WWC2: variants seen among roughly 807,000 people sequenced by gnomAD.
WWC2 encodes the protein protein WWC2.
Under a neutral mutation model 138.5 loss-of-function variants are expected in WWC2, and 101 were observed. The ratio of observed to expected loss-of-function variants is 0.73; its 90% CI spans 0.62 to 0.86. The LOEUF (loss-of-function observed/expected upper bound fraction) is 0.86, where lower values mean the gene tolerates loss of function less well. Among genes scored for constraint, WWC2 ranks in the 40% least tolerant of loss-of-function variants. The pLI is 0.00. For missense variants in WWC2, 1,420 were observed against 1,419.4 expected, an observed-to-expected ratio of 1.00 and a Z score of -0.01; for synonymous variants, 558 against 538.4, an observed-to-expected ratio of 1.04 and a Z score of -0.50.
At chr4:183,126,266 T>C (rs1189961717) in intron 1 of WWC2, among the ~76,000 whole-genome samples, 1 of 152,212 alleles carries the variant, frequency 6.6e-6, no homozygotes, top group Admixed American at 6.5e-5. Flanking sequence ...TATTATGGAT[T>C]GTTTGAGAGG....
At chr4:183,116,016 A>G (rs1561421388) in intron 1 of WWC2, among the ~76,000 whole-genome samples, 3 of 152,094 alleles carry the variant, frequency 2.0e-5, no homozygotes, top group African/African-American at 4.8e-5. Flanking sequence ...TGACTTTTGT[A>G]TATGGTGTAG....
At position 183,312,096 on chromosome 4, in the gene WWC2, T is replaced by C. The variant is rs149167130; in HGVS notation, c.3385-245T>C. Among the ~76,000 whole-genome samples the C allele has an allele frequency of 2.6e-3, 401 of 152,322 alleles. 2 individuals carry two copies. The highest frequency in any genetic ancestry group is 8.8e-3 in the African/African-American group (365 of 41,582). On this transcript the variant is annotated intron_variant, in intron 21 of 22. Coordinates refer to ENST00000403733, the MANE Select transcript of WWC2 (RefSeq NM_024949.6). ...TCAGATGTAGTAAAATTGTCACATA[T>C]TGCCTGTGTAATTAGATTTCTAAAA...
At chr4:183,185,068 G>A (rs993711827) in intron 1 of WWC2, among the ~76,000 whole-genome samples, 1 of 152,094 alleles carries the variant, frequency 6.6e-6, no homozygotes, top group Non-Finnish European at 1.5e-5. Context: ...TGAACTTCTG[G>A]TCCCTGAAGT....
chr4:183,236,618 G>A (rs1736431445), intron 4 of WWC2, among the ~76,000 whole-genome samples: 2 of 152,160 alleles, frequency 1.3e-5, no homozygotes, highest in South Asian at 4.1e-4. Context: ...ATTAAGCTAG[G>A]TTACAGTTCA....
chr4:183,152,049 A>G (rs1279653223), intron 1 of WWC2, among the ~76,000 whole-genome samples: 1 of 152,232 alleles, frequency 6.6e-6, no homozygotes, highest in African/African-American at 2.4e-5. Context: ...GTGGGTGTGG[A>G]GAAACATTGC....
At chr4:183,300,128 A>T (rs1043783891) in intron 21 of WWC2, among the ~76,000 whole-genome samples, 6 of 152,188 alleles carry the variant, frequency 3.9e-5, no homozygotes, top group Non-Finnish European at 5.9e-5. Context: ...TAACACAACT[A>T]TGAATAAATC....
chr4:183,137,654 A>G (rs960716843), intron 1 of WWC2, among the ~76,000 whole-genome samples: 1 of 152,044 alleles, frequency 6.6e-6, no homozygotes, highest in Admixed American at 6.6e-5. Flanking sequence ...GCGCACCACC[A>G]TACCTGATTA....
intron 21 of WWC2, among the ~76,000 whole-genome samples, chr4:183,295,290 C>T (rs1738597506): frequency 6.6e-6 from 1 of 152,190 alleles, no homozygotes; most frequent in Admixed American, 6.5e-5. Context: ...TGGAGAAGTC[C>T]CCTTTGCCTC....
intron 6 of WWC2, among the ~76,000 whole-genome samples, chr4:183,245,751 A>G (rs1736757863): frequency 6.6e-6 from 1 of 152,120 alleles, no homozygotes. Flanking sequence ...ACTGACTGGT[A>G]TGCTTCGTTG....
Position 183,099,536 on chromosome 4 carries a change from C to G in WWC2, c.45C>G (p.Gly15=). 1.4e-6 allele frequency: 2 copies of G among 1,410,526 alleles called. No individual in the cohort carries two copies. Among genetic ancestry groups the G allele is most frequent in the Non-Finnish European group, 9.4e-7 (1 of 1,065,546 alleles). The allele number at this position is 1,410,526 out of a possible 1,614,324, so 87.4% of individuals were successfully genotyped here. A position where few individuals can be genotyped will look rare whatever the true frequency, so the allele number is the denominator to read the frequency against. ...AGSGQLPLPR[G]WEEARDYDGK... ...GCGGTCAGCTGCCGCTGCCCCGGGG[C>G]TGGGAGGAGGCCAGGGACTACGACG... The change falls in exon 1 of 23, where the codon GGC becomes GGG. Residue 15 remains glycine (G), a synonymous_variant. Transcript: ENST00000403733.
At chr4:183,178,422 T>TAAATA (rs1194060046) in intron 1 of WWC2, among the ~76,000 whole-genome samples, 7 of 111,832 alleles carry the variant, frequency 6.3e-5, no homozygotes, top group Non-Finnish European at 1.4e-4. Flanking sequence ...ATAAATAAAT[T>TAAATA]TAAAAAATTA....
rs2111141314 is a variant in WWC2 at position 183,161,767 on chromosome 4, G to A, written c.132-31832G>A. 1.3e-5 allele frequency among the ~76,000 whole-genome samples: 2 copies of A among 152,290 alleles called. 1 individual carries two copies. Among genetic ancestry groups the A allele is most frequent in the South Asian group, 4.2e-4 (2 of 4,816 alleles). ...CGAAAGGCCTTTCCATATGGCCTAG[G>A]TGTGTAGTAGGCTACACCTCCAGGT... On this transcript the variant is annotated intron_variant, in intron 1 of 22. Coordinates refer to ENST00000403733, the MANE Select transcript of WWC2 (RefSeq NM_024949.6).
chr4:183,269,195 A>G, intron 15 of WWC2, 32 bp downstream of exon 15: 1 of 1,502,074 alleles, frequency 6.7e-7, no homozygotes, highest in Non-Finnish European at 8.9e-7. Context: ...ATTACCAAAT[A>G]GCACTTAGAT....
rs188579630 is a variant in WWC2, at chr4:183,197,234, A to T, written c.241+3526A>T. On this transcript the variant is annotated intron_variant, in intron 2 of 22. Coordinates refer to ENST00000403733, the MANE Select transcript of WWC2 (RefSeq NM_024949.6). ...AGTCTGCTATTTTGCTGTAATGGTA[A>T]TGGTATTCTGGTGATCTGTTGTACC... Among the ~76,000 whole-genome samples, 129 of 152,328 alleles carry T rather than the reference A, an allele frequency of 8.5e-4. 2 individuals carry two copies. The highest frequency in any genetic ancestry group is 9.0e-4 in the Non-Finnish European group (61 of 68,030).
intron 22 of WWC2, among the ~76,000 whole-genome samples, chr4:183,314,380 A>G (rs1410677317): frequency 6.6e-6 from 1 of 152,216 alleles, no homozygotes; most frequent in East Asian, 1.9e-4. Flanking sequence ...ATCCACGAAC[A>G]TTCCCAGCTT....
chr4:183,244,578 T>TAG (rs1356066685), intron 5 of WWC2, among the ~76,000 whole-genome samples: 5 of 150,668 alleles, frequency 3.3e-5, no homozygotes, highest in African/African-American at 1.2e-4. Flanking sequence ...ATTATATATA[T>TAG]ATATATAGAG....
rs913261840 is a variant in WWC2 at position 183,229,221 on chromosome 4, A to G, written c.523-10962A>G. 1.5e-4 allele frequency among the ~76,000 whole-genome samples: 23 copies of G among 152,066 alleles called. 1 individual carries two copies. The highest frequency in any genetic ancestry group is 5.2e-4 in the Admixed American group (8 of 15,270). On this transcript the variant is annotated intron_variant, in intron 4 of 22. Transcript: ENST00000403733. ...CTTTCAGTGTGTATGTTGTACTTCT[A>G]AGAAACCTGGAAGCTACATAATTTG...
At chr4:183,221,213 T>C (rs999069277) in intron 4 of WWC2, among the ~76,000 whole-genome samples, 1 of 152,212 alleles carries the variant, frequency 6.6e-6, no homozygotes, top group East Asian at 1.9e-4. Flanking sequence ...AGAGATTTTA[T>C]AATCATAAAT....
intron 1 of WWC2, among the ~76,000 whole-genome samples, chr4:183,151,481 C>G (rs1360293205): frequency 6.6e-6 from 1 of 152,134 alleles, no homozygotes; most frequent in Non-Finnish European, 1.5e-5. Context: ...TTCTCCCATT[C>G]TGTAGGTTGC....
Sources: allele counts gnomAD v4.1 joint callset (sites outside exome capture counted in the v4.1 genomes callset), GRCh38; gene constraint gnomAD v4.1.1; transcripts MANE v1.5; gene names NCBI Gene and HGNC (gene_info 2026-07-23, HGNC 2026-07-21).